The following GALNT17 variants were observed in gnomAD, a reference collection of about 807,000 sequenced individuals.
GALNT17 encodes the protein polypeptide N-acetylgalactosaminyltransferase 17, also known as UDP-GalNAc:polypeptide N-acetylgalactosaminyltransferase-like 3.
Under a neutral mutation model 63.7 loss-of-function variants are expected in GALNT17, and 29 were observed. The observed-to-expected ratio is 0.46, with a 90% CI of 0.34 to 0.62. The LOEUF is 0.62. Ranked by LOEUF, GALNT17 falls within the 20% of genes least tolerant of loss-of-function variation. The probability of loss-of-function intolerance (pLI) is 0.01; values close to 1 mark genes in which losing one functional copy is unlikely to be tolerated. For synonymous variants in GALNT17, 305 were observed against 318.3 expected (o/e 0.96, Z 0.45); for missense variants, 603 against 799.6 (o/e 0.75, Z 2.97).
intron 1 of GALNT17, among the ~76,000 whole-genome samples, chr7:71,244,056 T>C (rs1244530106): frequency 6.6e-6 from 1 of 152,150 alleles, no homozygotes; most frequent in Non-Finnish European, 1.5e-5. Context: ...TTTCTGTGCC[T>C]GTGTTTAGGA....
At chr7:71,602,137 A>G (rs1234751164) in intron 6 of GALNT17, among the ~76,000 whole-genome samples, 1 of 152,212 alleles carries the variant, frequency 6.6e-6, no homozygotes, top group Non-Finnish European at 1.5e-5. Context: ...TAAACTTATG[A>G]TCTTTTCAGG....
Position 71,132,775 on chromosome 7 carries a change from C to G in GALNT17, c.-28C>G. Reference sequence around the variant, plus strand: ...CGCCGGAGCCCGAGGGGGCGCAGGTCCGGGGCGAGGGCCGGCCGGGCTGTT... The same window carrying G: ...CGCCGGAGCCCGAGGGGGCGCAGGTGCGGGGCGAGGGCCGGCCGGGCTGTT... On this transcript the variant is annotated 5_prime_UTR_variant, in exon 1 of 11. Coordinates refer to ENST00000333538, the MANE Select transcript of GALNT17 (RefSeq NM_022479.3). 1 of 1,561,048 alleles carries G rather than the reference C, an allele frequency of 6.4e-7. No homozygotes were observed. Among genetic ancestry groups the G allele is most frequent in the Non-Finnish European group, 8.7e-7 (1 of 1,149,412 alleles).
intron 6 of GALNT17, among the ~76,000 whole-genome samples, chr7:71,585,273 G>A (rs1789698044): frequency 6.6e-6 from 1 of 152,170 alleles, no homozygotes; most frequent in Non-Finnish European, 1.5e-5. Flanking sequence ...TTCAGGTGTT[G>A]TCAGCCTGAT....
At chr7:71,593,347 C>G (rs970680116) in intron 6 of GALNT17, among the ~76,000 whole-genome samples, 6 of 142,178 alleles carry the variant, frequency 4.2e-5, no homozygotes, top group African/African-American at 1.6e-4. Context: ...CTCATTACAT[C>G]CTCCGCCTCC....
At chr7:71,499,994 G>A (rs1239550447) in intron 5 of GALNT17, among the ~76,000 whole-genome samples, 2 of 152,188 alleles carry the variant, frequency 1.3e-5, no homozygotes, top group African/African-American at 2.4e-5. Flanking sequence ...AGAAGAATGT[G>A]TTTGCTTCTC....
At chr7:71,606,752 T>A (rs1209434770) in intron 6 of GALNT17, among the ~76,000 whole-genome samples, 3 of 152,224 alleles carry the variant, frequency 2.0e-5, no homozygotes, top group Non-Finnish European at 4.4e-5. Context: ...CCTGCCCACA[T>A]ATGTGCTGGC....
At chr7:71,625,879 T>G (rs1434938926) in intron 6 of GALNT17, among the ~76,000 whole-genome samples, 3 of 151,958 alleles carry the variant, frequency 2.0e-5, no homozygotes, top group Admixed American at 1.3e-4. Flanking sequence ...GGAGATAGGG[T>G]CTTTAAAGAA....
At chr7:71,403,376 T>C (rs868115362) in intron 3 of GALNT17, among the ~76,000 whole-genome samples, 1 of 152,068 alleles carries the variant, frequency 6.6e-6, no homozygotes, top group African/African-American at 2.4e-5. Context: ...TTGAGAAGTG[T>C]GGGAAGGTCA....
At chr7:71,382,145 C>G (rs944534394) in intron 2 of GALNT17, among the ~76,000 whole-genome samples, 8 of 152,040 alleles carry the variant, frequency 5.3e-5, no homozygotes, top group African/African-American at 1.7e-4. Context: ...TTTGGGAGGC[C>G]GAGGTGGGCA....
chr7:71,628,944 A>T (rs953957054), intron 6 of GALNT17, among the ~76,000 whole-genome samples: 1 of 152,100 alleles, frequency 6.6e-6, no homozygotes, highest in Non-Finnish European at 1.5e-5. Context: ...AGTAAAAATT[A>T]AAATTTAAAA....
rs190232857 is a variant in GALNT17 at position 71,659,321 on chromosome 7, G to A, written c.1081-6090G>A. 9.2e-5 allele frequency among the ~76,000 whole-genome samples: 14 copies of A among 152,310 alleles called. No individual in the cohort carries two copies. The East Asian group carries it at 2.7e-3, about 29-fold the overall frequency. ...CCTAAATAACAATTGATTGGATTAA[G>A]ATTCTGAAGTTTGGAAGTCTGGGCT... On this transcript the variant is annotated intron_variant, in intron 6 of 10. Coordinates refer to ENST00000333538, the MANE Select transcript of GALNT17 (RefSeq NM_022479.3).
chr7:71,536,070 A>T (rs1022743306), intron 5 of GALNT17, among the ~76,000 whole-genome samples: 7 of 152,182 alleles, frequency 4.6e-5, no homozygotes, highest in African/African-American at 7.2e-5. Flanking sequence ...TGACTATTTG[A>T]GTCTGTTTTG....
At chr7:71,286,565 C>T (rs1037509029) in intron 1 of GALNT17, among the ~76,000 whole-genome samples, 1 of 148,022 alleles carries the variant, frequency 6.8e-6, no homozygotes, top group African/African-American at 2.7e-5. Context: ...CCATCTGCCT[C>T]TCAGGAGGAG....
chr7:71,297,700 G>C (rs1469796298), intron 1 of GALNT17, among the ~76,000 whole-genome samples: 1 of 152,182 alleles, frequency 6.6e-6, no homozygotes, highest in Admixed American at 6.5e-5. Flanking sequence ...CAACCAACAG[G>C]TGAATGAATA....
chr7:71,336,107 C>T (rs938527454), intron 2 of GALNT17, among the ~76,000 whole-genome samples: 3 of 137,860 alleles, frequency 2.2e-5, no homozygotes, highest in Non-Finnish European at 4.6e-5. Flanking sequence ...CGCAATGGTG[C>T]GATCTCAGCT....
intron 9 of GALNT17, among the ~76,000 whole-genome samples, chr7:71,700,701 G>A (rs1791618779): frequency 6.6e-6 from 1 of 152,160 alleles, no homozygotes. Context: ...CTAGTTGGCT[G>A]ACTCCATCAG....
chr7:71,194,184 T>C (rs985023772), intron 1 of GALNT17, among the ~76,000 whole-genome samples: 3 of 152,148 alleles, frequency 2.0e-5, no homozygotes, highest in Non-Finnish European at 4.4e-5. Flanking sequence ...TAGCTGGGAC[T>C]ACAGGTACAC....
intron 5 of GALNT17, among the ~76,000 whole-genome samples, chr7:71,512,978 A>G (rs1584016419): frequency 1.3e-5 from 2 of 152,342 alleles, no homozygotes; most frequent in South Asian, 2.1e-4. Context: ...GAAACACTAC[A>G]TTAAATAGCA....
intron 6 of GALNT17, among the ~76,000 whole-genome samples, chr7:71,599,763 C>T (rs1379195382): frequency 6.6e-6 from 1 of 151,952 alleles, no homozygotes; most frequent in Non-Finnish European, 1.5e-5. Flanking sequence ...AAAATGTTGA[C>T]AAACATGCAA....
Sources: gnomAD v4.1 joint callset for allele counts (sites outside exome capture counted in the v4.1 genomes callset) on GRCh38, gnomAD v4.1.1 for gene constraint, MANE v1.5 for transcripts, NCBI Gene and HGNC (gene_info 2026-07-23, HGNC 2026-07-21) for gene names.